JKAMP: variants seen among roughly 807,000 people sequenced by gnomAD.
The protein encoded by JKAMP is JNK1/MAPK8 associated membrane protein, also known as JNK1/MAPK8-associated membrane protein.
A neutral mutation model predicts 40.2 loss-of-function variants in JKAMP; 20 were observed. The ratio of observed to expected loss-of-function variants is 0.50; its 90% confidence interval spans 0.35 to 0.72. The LOEUF (loss-of-function observed/expected upper bound fraction) is 0.72, where lower values mean the gene tolerates loss of function less well. JKAMP is among the 30% of genes least tolerant of loss of function. The pLI is 0.01. For missense variants in JKAMP, 276 were observed against 373.0 expected, an observed-to-expected ratio of 0.74 and a Z score of 2.14; for synonymous variants, 138 against 131.6, an observed-to-expected ratio of 1.05 and a Z score of -0.33.
intron 6 of JKAMP, among the ~76,000 whole-genome samples, chr14:59,503,480 T>A (rs544859122): frequency 1.8e-4 from 27 of 152,264 alleles, no homozygotes; most frequent in Non-Finnish European, 2.5e-4. Context: ...CACCTGTAGA[T>A]CCATAGCAAC....
rs1475978412 is a variant in JKAMP at position 59,504,735 on chromosome 14, T to C, written c.*663T>C. 1 of 152,828 alleles carries C rather than the reference T, an allele frequency of 6.5e-6. No individual in the cohort carries two copies. The highest frequency in any genetic ancestry group is 2.4e-5 in the African/African-American group (1 of 41,464). The allele number at this position is 152,828 out of a possible 1,614,324, so 9.5% of individuals were successfully genotyped here. On this transcript the variant is annotated 3_prime_UTR_variant, in exon 7 of 7. Transcript: ENST00000616435. ...TTTCAATGTTTTGACACTTAATTGTTGTTTGGCACAATAGTATGGAAGTAA... is the reference window on the plus strand; with the variant it reads ...TTTCAATGTTTTGACACTTAATTGTCGTTTGGCACAATAGTATGGAAGTAA...
At chr14:59,485,150 A>C in intron 1 of JKAMP, 2 of 1,593,840 alleles carry the variant, frequency 1.3e-6, no homozygotes, top group Non-Finnish European at 1.7e-6. Context: ...AGTTCAGTTT[A>C]TCATACTGGT....
chr14:59,494,752 TACAC>T (rs1174436733), intron 3 of JKAMP, among the ~76,000 whole-genome samples: 2 of 152,310 alleles, frequency 1.3e-5, no homozygotes, highest in East Asian at 1.9e-4. Context: ...ATTAAAATGA[TACAC>T]AGATAACTAA....
chr14:59,489,052 G>C (rs996956838), intron 3 of JKAMP, among the ~76,000 whole-genome samples: 19 of 152,212 alleles, frequency 1.2e-4, no homozygotes, highest in African/African-American at 4.3e-4. Context: ...ATTAGCACTT[G>C]GCTCTCTTTT....
At chr14:59,487,484 T>G in intron 2 of JKAMP, 190 bp from the exon 3 acceptor site, 1 of 462,380 alleles carries the variant, frequency 2.2e-6, no homozygotes, top group Non-Finnish European at 3.8e-6. Flanking sequence ...TCTAAGAGCA[T>G]TGTACAAATA....
Position 59,504,694 on chromosome 14 carries a change from G to A in JKAMP, c.*622G>A, listed in dbSNP as rs1408794079. On this transcript the variant is annotated 3_prime_UTR_variant, in exon 7 of 7. Coordinates refer to ENST00000616435, the MANE Select transcript of JKAMP (RefSeq NM_016475.5). ...CCTGTAAAGAAAACAATAATAAAAA[G>A]CTTACCTACATAAAATTTCAATGTT... is the stretch of plus-strand genomic sequence containing the variant. 2 of 152,662 alleles carry A rather than the reference G, an allele frequency of 1.3e-5. No individual in the cohort carries two copies. The highest frequency in any genetic ancestry group is 4.8e-5 in the African/African-American group (2 of 41,432). The allele number at this position is 152,662 out of a possible 1,614,324, so 9.5% of individuals were successfully genotyped here. A position where few individuals can be genotyped will look rare whatever the true frequency, so the allele number is the denominator to read the frequency against.
intron 3 of JKAMP, among the ~76,000 whole-genome samples, chr14:59,493,683 C>G (rs568757902): frequency 9.8e-4 from 149 of 152,228 alleles, no homozygotes; most frequent in Middle Eastern, 3.4e-3. Flanking sequence ...TGTGACATAG[C>G]TCAGACCATT....
chr14:59,500,208 T>G (rs1053196711), intron 5 of JKAMP, among the ~76,000 whole-genome samples: 1 of 152,194 alleles, frequency 6.6e-6, no homozygotes, highest in Non-Finnish European at 1.5e-5. Flanking sequence ...TAAAAAGTTA[T>G]AAATGTCAAA....
chr14:59,484,647 C>G (rs1890367824), intron 1 of JKAMP, 54 bp downstream of exon 1: 2 of 1,562,364 alleles, frequency 1.3e-6, no homozygotes, highest in African/African-American at 2.7e-5. Context: ...GACTACTTTC[C>G]TACACGGCTG....
chr14:59,490,359 C>CT (rs756710683), intron 3 of JKAMP, among the ~76,000 whole-genome samples: 23 of 152,302 alleles, frequency 1.5e-4, no homozygotes, highest in Non-Finnish European at 2.8e-4. Context: ...CCCCACCTCA[C>CT]TGAGGATTAC....
Position 59,504,875 on chromosome 14 carries a change from C to T in JKAMP, c.*803C>T, listed in dbSNP as rs576035133. On this transcript the variant is annotated 3_prime_UTR_variant, in exon 7 of 7. Transcript: ENST00000616435. ...CATCTCTGAATTAGGATGCATCTTA[C>T]AACTGATGGCTTATTAGATTTAATG... is the stretch of plus-strand genomic sequence containing the variant. 6.3e-6 allele frequency: 1 copy of T among 158,496 alleles called. No individual in the cohort carries two copies. Among genetic ancestry groups the T allele is most frequent in the African/African-American group, 2.4e-5 (1 of 41,596 alleles). The allele number at this position is 158,496 out of a possible 1,614,324, so 9.8% of individuals were successfully genotyped here.
intron 5 of JKAMP, among the ~76,000 whole-genome samples, 153 bp downstream of exon 5, chr14:59,499,061 A>G (rs1489723647): frequency 1.8e-5 from 2 of 108,140 alleles, no homozygotes; most frequent in African/African-American, 3.8e-5. Context: ...ATCTCACTCT[A>G]TCACCAGGCT....
At chr14:59,490,737 TTC>T (rs1346431526) in intron 3 of JKAMP, among the ~76,000 whole-genome samples, 1 of 152,182 alleles carries the variant, frequency 6.6e-6, no homozygotes, top group East Asian at 1.9e-4. Context: ...AGTTTTTAAT[TTC>T]TGTTATATTA....
intron 6 of JKAMP, among the ~76,000 whole-genome samples, chr14:59,502,765 T>TTTTGTTTTTG (rs1892023303): frequency 7.4e-6 from 1 of 134,652 alleles, no homozygotes; most frequent in African/African-American, 2.8e-5. Context: ...TTTTTTTTTT[T>TTTTGTTTTTG]TTTTTTTTCG....
chr14:59,486,675 C>T (rs770832386), intron 1 of JKAMP, 38 bp from the exon 2 acceptor site: 3 of 1,374,496 alleles, frequency 2.2e-6, no homozygotes, highest in Non-Finnish European at 2.0e-6. Context: ...TTTATAATCA[C>T]AAAAGATGTT....
chr14:59,491,235 A>G (rs541232757), intron 3 of JKAMP, among the ~76,000 whole-genome samples: 6 of 152,330 alleles, frequency 3.9e-5, no homozygotes, highest in African/African-American at 1.2e-4. Context: ...GCATGCCCAG[A>G]TGTGTGGAGG....
At chr14:59,492,042 A>G (rs2139875277) in intron 3 of JKAMP, among the ~76,000 whole-genome samples, 1 of 152,332 alleles carries the variant, frequency 6.6e-6, no homozygotes, top group East Asian at 1.9e-4. Context: ...AAATAGCACT[A>G]GGACTTATTG....
intron 1 of JKAMP, chr14:59,485,091 G>C: frequency 6.3e-7 from 1 of 1,598,424 alleles, no homozygotes; most frequent in Non-Finnish European, 8.5e-7. Flanking sequence ...AAATTCAACA[G>C]TCGCTTGGAG....
At chr14:59,487,551 A>G in intron 2 of JKAMP, 123 bp from the exon 3 acceptor site, 1 of 690,052 alleles carries the variant, frequency 1.4e-6, no homozygotes, top group South Asian at 2.3e-5. Context: ...TTTTATTTCT[A>G]AAAGCTGCAC....
Sources: gnomAD v4.1 joint callset for allele counts (sites outside exome capture counted in the v4.1 genomes callset) on GRCh38, gnomAD v4.1.1 for gene constraint, MANE v1.5 for transcripts, NCBI Gene and HGNC (gene_info 2026-07-23, HGNC 2026-07-21) for gene names.